SUPT20H: variants seen among roughly 807,000 people sequenced by gnomAD.
SUPT20H encodes SPT20 homolog, SAGA complex component.
In SUPT20H, 82 loss-of-function variants were observed where a neutral mutation model predicts 122.8. The ratio of observed to expected loss-of-function variants is 0.67; its 90% CI spans 0.56 to 0.80. The LOEUF (loss-of-function observed/expected upper bound fraction) is 0.80, where lower values mean the gene tolerates loss of function less well. Ranked by LOEUF, SUPT20H falls within the 30% of genes least tolerant of loss-of-function variation. The pLI is 0.00. For missense variants in SUPT20H, 831 were observed against 921.6 expected (o/e 0.90, Z 1.27); for synonymous variants, 291 against 313.0 (o/e 0.93, Z 0.74).
At chr13:37,021,976 A>T (rs1566158089) in intron 20 of SUPT20H, 35 bp downstream of exon 20, 1 of 1,523,414 alleles carries the variant, frequency 6.6e-7, no homozygotes, top group South Asian at 1.3e-5. Context: ...AACTATCTTT[A>T]TAAAAAAAAA....
chr13:37,027,913 C>G (rs1481105852), intron 14 of SUPT20H, among the ~76,000 whole-genome samples: 5 of 152,112 alleles, frequency 3.3e-5, no homozygotes, highest in African/African-American at 1.2e-4. Flanking sequence ...GCCTTCAAAA[C>G]AAGCATAAAA....
chr13:37,031,669 A>G (rs1164219002), intron 11 of SUPT20H, 46 bp from the exon 12 acceptor site: 3 of 1,541,814 alleles, frequency 1.9e-6, no homozygotes. Flanking sequence ...AACAATATAA[A>G]TATACTGAAA....
At chr13:37,020,079 A>C (rs1344970616) in intron 21 of SUPT20H, among the ~76,000 whole-genome samples, 1 of 152,158 alleles carries the variant, frequency 6.6e-6, no homozygotes, top group African/African-American at 2.4e-5. Flanking sequence ...AAATGTAGTA[A>C]CCATTTCTAG....
chr13:37,019,059 A>G (rs2061027756), intron 22 of SUPT20H, among the ~76,000 whole-genome samples: 1 of 152,280 alleles, frequency 6.6e-6, no homozygotes, highest in Non-Finnish European at 1.5e-5. Context: ...TACATCCACT[A>G]TTATTATTGT....
chr13:37,047,998 T>C (rs1334707816), intron 3 of SUPT20H, 62 bp from the exon 4 acceptor site: 1 of 1,291,150 alleles, frequency 7.7e-7, no homozygotes, highest in Non-Finnish European at 1.1e-6. Flanking sequence ...ACAACTGTAT[T>C]GAGTATATCT....
In SUPT20H at chr13:37,029,695, T is replaced by A. The variant is rs1032803367; in HGVS notation, c.993+70A>T. The A allele has an allele frequency of 8.0e-6, 11 of 1,374,368 alleles. No homozygotes were observed. In the African/African-American group the frequency reaches 1.6e-4, roughly 20 times the overall value. 85.1% of individuals were successfully genotyped at this position (1,374,368 alleles called of 1,614,324 possible). A position where few individuals can be genotyped will look rare whatever the true frequency, so the allele number is the denominator to read the frequency against. ...CCAAACTAATGGCAATTGCACTTTA[T>A]GTTTAATAAATTCAGAGGCCAGATT... is the stretch of plus-strand genomic sequence containing the variant. On this transcript the variant is annotated intron_variant, in intron 13 of 25. Coordinates refer to ENST00000350612, the MANE Select transcript of SUPT20H (RefSeq NM_001014286.3).
In SUPT20H at chr13:37,022,778, T is replaced by C; in HGVS notation, c.1592-698A>G. 1 of 1,015,246 alleles carries C rather than the reference T, an allele frequency of 9.8e-7. No homozygotes were observed. The highest frequency in any genetic ancestry group is 1.2e-6 in the Non-Finnish European group (1 of 844,828). 62.9% of individuals were successfully genotyped at this position (1,015,246 alleles called of 1,614,324 possible). A position where few individuals can be genotyped will look rare whatever the true frequency, so the allele number is the denominator to read the frequency against. The stretch of plus-strand genomic sequence containing the variant: ...ATGGTTAACAATCATATTTGGCACC[T>C]AAATATACATGTTTAATTCCTAACA... On this transcript the variant is annotated intron_variant, in intron 19 of 25. Coordinates refer to ENST00000350612, the MANE Select transcript of SUPT20H (RefSeq NM_001014286.3). The surrounding 1 kb of genome is among the most constrained non-coding windows in gnomAD (Gnocchi z 4.5).
chr13:37,015,190 T>C (rs1048854565), intron 23 of SUPT20H, among the ~76,000 whole-genome samples: 1 of 151,078 alleles, frequency 6.6e-6, no homozygotes, highest in Non-Finnish European at 1.5e-5. Context: ...AAAAAACTTC[T>C]GTGCAATGGA....
chr13:37,035,411 T>A (rs945641140), intron 9 of SUPT20H, among the ~76,000 whole-genome samples: 1 of 152,082 alleles, frequency 6.6e-6, no homozygotes, highest in African/African-American at 2.4e-5. Flanking sequence ...GATGTGGTGA[T>A]AGCAAGAGAA....
intron 12 of SUPT20H, 64 bp downstream of exon 12, chr13:37,031,503 A>G (rs2063323928): frequency 9.0e-7 from 1 of 1,110,854 alleles, no homozygotes; most frequent in Admixed American, 2.7e-5. Context: ...CTCAAGGTAT[A>G]AGCAACCGAA....
chr13:37,039,485 CA>C (rs2065082121), intron 9 of SUPT20H: 1 of 152,078 alleles, frequency 6.6e-6, no homozygotes, highest in Non-Finnish European at 1.5e-5. Flanking sequence ...TCTGAAGGAA[CA>C]AAGAATGATA....
intron 13 of SUPT20H, 56 bp from the exon 14 acceptor site, chr13:37,028,361 A>G: frequency 6.7e-7 from 1 of 1,494,310 alleles, no homozygotes; most frequent in Non-Finnish European, 9.1e-7. Flanking sequence ...AGGCAATAAG[A>G]ATTAGTAAAA....
intron 1 of SUPT20H, among the ~76,000 whole-genome samples, chr13:37,054,129 G>T (rs2068382397): frequency 6.6e-6 from 1 of 152,126 alleles, no homozygotes; most frequent in African/African-American, 2.4e-5. Context: ...ATAATTAATA[G>T]CTTACCAACC....
At chr13:37,010,505 A>C (rs1164270182) in intron 25 of SUPT20H, 47 bp downstream of exon 25, 2 of 1,516,752 alleles carry the variant, frequency 1.3e-6, no homozygotes, top group South Asian at 2.3e-5. Flanking sequence ...GTACTTTTGG[A>C]GCTGAGTATC....
At chr13:37,029,208 A>G (rs2062853535) in intron 13 of SUPT20H, among the ~76,000 whole-genome samples, 1 of 152,194 alleles carries the variant, frequency 6.6e-6, no homozygotes, top group Non-Finnish European at 1.5e-5. Context: ...ACGCAAACCA[A>G]AAGTAAAAAT....
chr13:37,048,474 T>C, intron 3 of SUPT20H, 90 bp downstream of exon 3: 1 of 1,255,088 alleles, frequency 8.0e-7, no homozygotes, highest in East Asian at 2.5e-5. Context: ...AATGTGCTCC[T>C]TTAAAAATCA....
At chr13:37,014,837 C>T (rs1471111535) in intron 23 of SUPT20H, among the ~76,000 whole-genome samples, 1 of 152,170 alleles carries the variant, frequency 6.6e-6, no homozygotes, top group African/African-American at 2.4e-5. Flanking sequence ...TGACTCTACA[C>T]ATTAAAAGGA....
intron 7 of SUPT20H, among the ~76,000 whole-genome samples, chr13:37,042,866 C>T (rs1479813986): frequency 2.0e-5 from 3 of 152,086 alleles, no homozygotes; most frequent in Admixed American, 2.0e-4. Flanking sequence ...TTGAGACATA[C>T]AGGTTAAGAA....
intron 2 of SUPT20H, 75 bp downstream of exon 2, chr13:37,051,413 T>C: frequency 4.8e-6 from 7 of 1,467,864 alleles, no homozygotes; most frequent in South Asian, 1.2e-5. Context: ...ATATCTACCA[T>C]ACAAATATCT....
Sources: gnomAD v4.1 joint callset for allele counts (sites outside exome capture counted in the v4.1 genomes callset) on GRCh38, gnomAD v4.1.1 for gene constraint, Gnocchi (gnomAD v3.1) non-coding constraint, MANE v1.5 for transcripts, NCBI Gene and HGNC (gene_info 2026-07-23, HGNC 2026-07-21) for gene names.